Variants in SPATS2 observed in about 807,000 individuals in gnomAD.
SPATS2 encodes the protein spermatogenesis-associated serine-rich protein 2.
SPATS2 carries 38 observed loss-of-function variants against 63.7 expected under a neutral mutation model. That is an observed-to-expected ratio of 0.60 (90% CI 0.46 to 0.78). SPATS2 has a LOEUF of 0.78. Among genes scored for constraint, SPATS2 ranks in the 30% least tolerant of loss-of-function variants. SPATS2 has a pLI of 0.00. For synonymous variants in SPATS2, 207 were observed against 232.9 expected (o/e 0.89, Z 1.01); for missense variants, 588 against 666.2 (o/e 0.88, Z 1.29).
At chr12:49,472,502 T>G (rs910483316) in intron 3 of SPATS2, among the ~76,000 whole-genome samples, 2 of 150,746 alleles carry the variant, frequency 1.3e-5, no homozygotes, top group Non-Finnish European at 3.0e-5. Context: ...ATTTAACAGA[T>G]AGAGAAATAC....
rs1308160623 is a variant in SPATS2 at position 49,489,458 on chromosome 12, T to C, written c.106-7T>C. 1 of 1,612,388 alleles carries C rather than the reference T, an allele frequency of 6.2e-7. No homozygotes were observed. The highest frequency in any genetic ancestry group is 8.5e-7 in the Non-Finnish European group (1 of 1,178,864). ...TTAGAATTAAATGACCCTGTCATCT[T>C]TTCCAGATAAATGCGGTACGTGCAA... On this transcript the variant is annotated splice_region_variant and splice_polypyrimidine_tract_variant and intron_variant, in intron 4 of 13. Coordinates refer to ENST00000552918, the MANE Select transcript of SPATS2 (RefSeq NM_023071.4).
chr12:49,501,645 GTC>G (rs1199666596), intron 9 of SPATS2, among the ~76,000 whole-genome samples: 2 of 152,098 alleles, frequency 1.3e-5, no homozygotes, highest in Non-Finnish European at 2.9e-5. Context: ...TTGAGACGGA[GTC>G]TCTGTCGCCT....
Position 49,379,598 on chromosome 12 carries a change from A to G in SPATS2, c.-244+8308A>G, listed in dbSNP as rs1448383264. Among the ~76,000 whole-genome samples, 3 of 148,032 alleles carry G rather than the reference A, an allele frequency of 2.0e-5. No individual in the cohort carries two copies. The Admixed American group carries it at 2.0e-4, about 10-fold the overall frequency. On this transcript the variant is annotated intron_variant, in intron 2 of 13. Coordinates refer to ENST00000552918, the MANE Select transcript of SPATS2 (RefSeq NM_023071.4). ...ACAAAAATTAACCGTTTTATGTCCT[A>G]CAACCATCACCTCTATCTAGTTCAA... is the stretch of plus-strand genomic sequence containing the variant.
At chr12:49,395,552 G>A (rs1187368528) in intron 2 of SPATS2, among the ~76,000 whole-genome samples, 11 of 151,146 alleles carry the variant, frequency 7.3e-5, no homozygotes. Flanking sequence ...AGCCTCCCGA[G>A]TAGCTGGGAT....
At chr12:49,521,217 A>G (rs952676233) in intron 11 of SPATS2, among the ~76,000 whole-genome samples, 3 of 152,194 alleles carry the variant, frequency 2.0e-5, no homozygotes, top group Non-Finnish European at 2.9e-5. Flanking sequence ...TTATTGTCAC[A>G]CTGAGAGAAC....
At chr12:49,450,075 A>G (rs560695309) in intron 2 of SPATS2, among the ~76,000 whole-genome samples, 1 of 152,158 alleles carries the variant, frequency 6.6e-6, no homozygotes, top group East Asian at 1.9e-4. Flanking sequence ...TTTATCTGAT[A>G]CTAAGCCCTT....
At chr12:49,487,376 A>G (rs955424471) in intron 4 of SPATS2, among the ~76,000 whole-genome samples, 1 of 152,052 alleles carries the variant, frequency 6.6e-6, no homozygotes, top group Admixed American at 6.6e-5. Context: ...CTCTAATCCC[A>G]GCTACCTGGG....
chr12:49,510,894 C>T (rs1170486024), intron 9 of SPATS2, among the ~76,000 whole-genome samples: 5 of 152,146 alleles, frequency 3.3e-5, no homozygotes, highest in Non-Finnish European at 7.3e-5. Context: ...TCAGTAACAG[C>T]TATTCTGAGC....
intron 2 of SPATS2, among the ~76,000 whole-genome samples, chr12:49,404,479 A>G (rs572174790): frequency 1.6e-3 from 241 of 151,966 alleles, no homozygotes; most frequent in Non-Finnish European, 2.8e-3. Flanking sequence ...GGGTCTTGCT[A>G]TGTTGCCAAA....
chr12:49,491,981 A>G (rs1176283194), intron 6 of SPATS2, among the ~76,000 whole-genome samples: 1 of 152,174 alleles, frequency 6.6e-6, no homozygotes, highest in African/African-American at 2.4e-5. Context: ...AAATGCTTTC[A>G]TCATGACTCT....
chr12:49,367,199 G>A, upstream of SPATS2: 1 of 189,470 alleles, frequency 5.3e-6, no homozygotes, highest in Non-Finnish European at 1.1e-5. Context: ...CCGCGCTCGC[G>A]CACCCGTTGG....
chr12:49,453,979 C>T (rs1945672924), intron 2 of SPATS2, among the ~76,000 whole-genome samples: 1 of 150,286 alleles, frequency 6.7e-6, no homozygotes, highest in African/African-American at 2.4e-5. Flanking sequence ...TCTCCTGCCT[C>T]AGCCTCCCGA....
intron 3 of SPATS2, among the ~76,000 whole-genome samples, chr12:49,477,741 G>A (rs112894677): frequency 5.6e-4 from 85 of 152,096 alleles, no homozygotes; most frequent in Non-Finnish European, 1.6e-4. Context: ...CTACAAAATG[G>A]CATTTGGACA....
intron 9 of SPATS2, among the ~76,000 whole-genome samples, chr12:49,502,636 T>G (rs1480059504): frequency 1.3e-5 from 2 of 152,162 alleles, no homozygotes; most frequent in African/African-American, 2.4e-5. Context: ...TTTTAATTTT[T>G]TGTAGAGATG....
intron 2 of SPATS2, among the ~76,000 whole-genome samples, chr12:49,372,790 A>C (rs544108594): frequency 6.6e-6 from 1 of 152,262 alleles, no homozygotes; most frequent in East Asian, 1.9e-4. Context: ...ATAGAATAGA[A>C]AGTAAGATTG....
rs540249266 is a variant in SPATS2 at position 49,422,540 on chromosome 12, G to A, written c.-243-38230G>A. On this transcript the variant is annotated intron_variant, in intron 2 of 13. Transcript: ENST00000552918. ...GTTTCTTTTACCTAACAGAGTTTTT[G>A]TGAAGATTTTTGATAATGCATATAA... 5.9e-5 allele frequency among the ~76,000 whole-genome samples: 9 copies of A among 152,126 alleles called. No individual in the cohort carries two copies. The South Asian group carries it at 1.7e-3, about 28-fold the overall frequency.
intron 9 of SPATS2, among the ~76,000 whole-genome samples, chr12:49,507,706 A>G (rs185497992): frequency 2.6e-4 from 40 of 152,290 alleles, no homozygotes; most frequent in African/African-American, 9.1e-4. Flanking sequence ...TGTAATTTCA[A>G]TGTGATCTTT....
At chr12:49,487,269 TTGAG>T in intron 4 of SPATS2, among the ~76,000 whole-genome samples, 1 of 152,066 alleles carries the variant, frequency 6.6e-6, no homozygotes, top group African/African-American at 2.4e-5. Context: ...GGCAGATCAC[TTGAG>T]TGAGGTCAGG....
At position 49,516,578 on chromosome 12, in the gene SPATS2, C is replaced by T. The variant is rs551503205; in HGVS notation, c.898+1965C>T. Among the ~76,000 whole-genome samples the T allele has an allele frequency of 1.4e-3, 210 of 151,488 alleles. 2 individuals are homozygous for T. Among genetic ancestry groups the T allele is most frequent in the African/African-American group, 4.7e-3 (195 of 41,346 alleles). On this transcript the variant is annotated intron_variant, in intron 10 of 13. Coordinates refer to ENST00000552918, the MANE Select transcript of SPATS2 (RefSeq NM_023071.4). ...AAAATTAGCTGGGCATGGTGGCATG[C>T]GCCTGTAGTCCCAGCTACTCGGGAG...
Sources: gnomAD v4.1 joint callset for allele counts (sites outside exome capture counted in the v4.1 genomes callset) on GRCh38, gnomAD v4.1.1 for gene constraint, MANE v1.5 for transcripts, NCBI Gene and HGNC (gene_info 2026-07-23, HGNC 2026-07-21) for gene names.